NTRK2: variants seen among roughly 807,000 people sequenced by gnomAD.
NTRK2 encodes the protein neurotrophic receptor tyrosine kinase 2.
NTRK2 carries 13 observed loss-of-function variants against 94.5 expected under a neutral mutation model. That is an observed-to-expected ratio of 0.14 (90% CI 0.09 to 0.22). The LOEUF (loss-of-function observed/expected upper bound fraction) is 0.22. NTRK2 is among the 10% of genes least tolerant of loss of function. NTRK2 has a pLI of 1.00. For missense variants in NTRK2, 639 were observed against 1,071.2 expected, an observed-to-expected ratio of 0.60 and a Z score of 5.63; for synonymous variants, 372 against 407.4, an observed-to-expected ratio of 0.91 and a Z score of 1.05.
In NTRK2 at chr9:85,021,614, C is replaced by T; in HGVS notation, c.*177C>T. ...CAGTGTGTACTTCTTCATCCATAGA[C>T]ACAGTATTGACTTCTTTTTGGCATT... is the stretch of plus-strand genomic sequence containing the variant. On this transcript the variant is annotated 3_prime_UTR_variant, in exon 19 of 19. Transcript: ENST00000277120. 1.5e-6 allele frequency: 1 copy of T among 680,592 alleles called. No individual in the cohort carries two copies. The highest frequency in any genetic ancestry group is 2.7e-5 in the East Asian group (1 of 36,922). 42.2% of individuals were successfully genotyped at this position (680,592 alleles called of 1,614,324 possible).
chr9:84,827,494 G>A (rs1056152060), intron 12 of NTRK2, among the ~76,000 whole-genome samples: 1 of 152,172 alleles, frequency 6.6e-6, no homozygotes, highest in East Asian at 1.9e-4. Flanking sequence ...GCTTTTTAAA[G>A]AGAAGAAGCC....
intron 12 of NTRK2, among the ~76,000 whole-genome samples, chr9:84,816,760 C>T (rs1371637806): frequency 8.5e-6 from 1 of 117,618 alleles, no homozygotes; most frequent in African/African-American, 3.4e-5. Context: ...GCCTGGATGA[C>T]ACAGCAAGAC....
At chr9:84,672,932 C>T (rs763826714) in intron 2 of NTRK2, among the ~76,000 whole-genome samples, 1 of 152,172 alleles carries the variant, frequency 6.6e-6, no homozygotes, top group African/African-American at 2.4e-5. Flanking sequence ...AAGCATGTGT[C>T]ATAGTTATTC....
intron 12 of NTRK2, chr9:84,811,281 C>T: frequency 9.4e-7 from 1 of 1,063,728 alleles, no homozygotes; most frequent in Non-Finnish European, 1.1e-6. Flanking sequence ...GCCAGCAAAA[C>T]AAAACAAAAC....
At chr9:85,019,437 G>A (rs1832588951) in intron 17 of NTRK2, among the ~76,000 whole-genome samples, 1 of 152,196 alleles carries the variant, frequency 6.6e-6, no homozygotes, top group African/African-American at 2.4e-5. Context: ...TTTCCTCCAT[G>A]AAGTAGGAAG....
intron 11 of NTRK2, among the ~76,000 whole-genome samples, 166 bp downstream of exon 11, chr9:84,745,239 G>C (rs1588316022): frequency 6.6e-6 from 1 of 152,052 alleles, no homozygotes; most frequent in East Asian, 1.9e-4. Flanking sequence ...AGTGATAAAG[G>C]TGTTATATGG....
At chr9:84,710,939 G>GCAATGCAAAATA in intron 6 of NTRK2, 148 bp downstream of exon 6, 1 of 761,852 alleles carries the variant, frequency 1.3e-6, no homozygotes, top group Non-Finnish European at 2.2e-6. Flanking sequence ...TATGTGCAGT[G>GCAATGCAAAATA]TGGAGTAATC....
Position 85,021,778 on chromosome 9 carries a change from A to T in NTRK2, c.*341A>T. 1 of 383,624 alleles carries T rather than the reference A, an allele frequency of 2.6e-6. No homozygotes were observed. The highest frequency in any genetic ancestry group is 2.0e-5 in the African/African-American group (1 of 49,356). 23.8% of individuals were successfully genotyped at this position (383,624 alleles called of 1,614,324 possible). On this transcript the variant is annotated 3_prime_UTR_variant, in exon 19 of 19. Transcript: ENST00000277120. ...CAATCTGGCTTCTGCATTACTATTA[A>T]CTCTGCATAGACAAAGGCCTTAACA...
At chr9:84,901,024 A>G (rs566577091) in intron 14 of NTRK2, among the ~76,000 whole-genome samples, 1 of 152,190 alleles carries the variant, frequency 6.6e-6, no homozygotes, top group South Asian at 2.1e-4. Context: ...GAAGTAGAAC[A>G]TTGTAAATAG....
chr9:84,797,647 A>ATATTATATATTATATATACT (rs753080405), intron 12 of NTRK2, among the ~76,000 whole-genome samples: 3 of 53,658 alleles, frequency 5.6e-5, no homozygotes, highest in Admixed American at 3.5e-4. Flanking sequence ...TATATACTAT[A>ATATTATATATTATATATACT]ATAATATATA....
chr9:85,008,743 G>C (rs909553006), intron 17 of NTRK2, among the ~76,000 whole-genome samples: 1 of 152,204 alleles, frequency 6.6e-6, no homozygotes, highest in East Asian at 1.9e-4. Flanking sequence ...TCCAGGAGGA[G>C]GGGGAGAATG....
chr9:84,893,163 T>A (rs2076645823), intron 14 of NTRK2, among the ~76,000 whole-genome samples: 1 of 152,194 alleles, frequency 6.6e-6, no homozygotes, highest in African/African-American at 2.4e-5. Flanking sequence ...AGGTCTCTCC[T>A]ATGTCTTTCC....
chr9:84,976,458 A>G (rs1248145117), intron 17 of NTRK2, among the ~76,000 whole-genome samples: 1 of 152,232 alleles, frequency 6.6e-6, no homozygotes, highest in Non-Finnish European at 1.5e-5. Flanking sequence ...TGGCGGGGAC[A>G]TAATTTAGTT....
upstream of NTRK2, among the ~76,000 whole-genome samples, chr9:84,669,119 A>G (rs1430233146): frequency 1.3e-5 from 2 of 152,086 alleles, no homozygotes; most frequent in Admixed American, 1.3e-4. The surrounding 1 kb of genome is among the most constrained non-coding windows in gnomAD (Gnocchi z 4.1). Context: ...CCGATCCCCA[A>G]ATAGGTGGCC....
intron 12 of NTRK2, among the ~76,000 whole-genome samples, chr9:84,846,021 A>G (rs1206033494): frequency 6.6e-6 from 1 of 152,198 alleles, no homozygotes; most frequent in Admixed American, 6.5e-5. Flanking sequence ...CTTCCCAAAA[A>G]TGGCTCTTAT....
chr9:84,815,077 C>T, intron 12 of NTRK2: 3 of 1,058,712 alleles, frequency 2.8e-6, no homozygotes, highest in Non-Finnish European at 3.4e-6. Flanking sequence ...CAGGAAAGTT[C>T]CATGACAATG....
intron 14 of NTRK2, among the ~76,000 whole-genome samples, chr9:84,931,685 T>A (rs1413826026): frequency 7.3e-6 from 1 of 137,074 alleles, no homozygotes; most frequent in Non-Finnish European, 1.5e-5. Context: ...CTGCTTGGAC[T>A]GCGAAAAGAA....
At chr9:84,943,554 A>T (rs913856595) in intron 15 of NTRK2, among the ~76,000 whole-genome samples, 2 of 152,212 alleles carry the variant, frequency 1.3e-5, no homozygotes, top group Non-Finnish European at 2.9e-5. Context: ...CACCAGGAAT[A>T]AGAAGAAATG....
chr9:84,814,157 G>A, intron 12 of NTRK2: 1 of 1,065,564 alleles, frequency 9.4e-7, no homozygotes. Context: ...GCAAGGACAA[G>A]AACTAAACAA....
Sources: allele counts gnomAD v4.1 joint callset (sites outside exome capture counted in the v4.1 genomes callset), GRCh38; gene constraint gnomAD v4.1.1; non-coding constraint Gnocchi (gnomAD v3.1); transcripts MANE v1.5; gene names NCBI Gene and HGNC (gene_info 2026-07-23, HGNC 2026-07-21).